The following AGAP3 variants were observed in gnomAD, a reference collection of about 807,000 sequenced individuals.
AGAP3 encodes the protein arf-GAP with GTPase, ANK repeat and PH domain-containing protein 3.
In AGAP3, 24 loss-of-function variants were observed where a neutral mutation model predicts 96.9. That is an observed-to-expected ratio of 0.25 (90% CI 0.18 to 0.35). The LOEUF (loss-of-function observed/expected upper bound fraction) is 0.35. Among genes scored for constraint, AGAP3 ranks in the 10% least tolerant of loss-of-function variants. The pLI, the probability that AGAP3 is intolerant of heterozygous loss-of-function variation, is 1.00. For synonymous variants in AGAP3, 563 were observed against 536.1 expected, an observed-to-expected ratio of 1.05 and a Z score of -0.69; for missense variants, 876 against 1,254.2, an observed-to-expected ratio of 0.70 and a Z score of 4.55.
chr7:151,119,441 A>G (rs1799759893), intron 7 of AGAP3, among the ~76,000 whole-genome samples: 1 of 151,428 alleles, frequency 6.6e-6, no homozygotes, highest in Non-Finnish European at 1.5e-5. Context: ...TCCACACCTT[A>G]CTCTGATTGG....
At position 151,101,335 on chromosome 7, in the gene AGAP3, C is replaced by T. The variant is rs1386024038; in HGVS notation, c.331+14263C>T. Among the ~76,000 whole-genome samples the T allele has an allele frequency of 2.0e-5, 3 of 152,214 alleles. No homozygotes were observed. In the South Asian group the frequency reaches 6.2e-4, roughly 31 times the overall value. ...TCCTCCTGGGCTGGAGGGGACAGGC[C>T]ATTATGGTGGCTGGATGGTCTCCTT... is the stretch of plus-strand genomic sequence containing the variant. On this transcript the variant is annotated intron_variant, in intron 1 of 17. Transcript: ENST00000397238.
At chr7:151,092,648 C>A (rs1798444887) in intron 1 of AGAP3, among the ~76,000 whole-genome samples, 1 of 152,170 alleles carries the variant, frequency 6.6e-6, no homozygotes, top group South Asian at 2.1e-4. Flanking sequence ...GTTTATTTTC[C>A]CAGAGGAGGG....
chr7:151,122,128 T>A (rs896688601), intron 8 of AGAP3, among the ~76,000 whole-genome samples: 5 of 151,968 alleles, frequency 3.3e-5, no homozygotes, highest in African/African-American at 1.2e-4. Context: ...TGCACCCCAC[T>A]CCCCCCAAAC....
In AGAP3 at chr7:151,143,343, A is replaced by C. The variant is rs1281416003; in HGVS notation, c.2276A>C (p.Glu759Ala). The C allele has an allele frequency of 6.2e-7, 1 of 1,608,890 alleles. No homozygotes were observed. The highest frequency in any genetic ancestry group is 1.3e-5 in the African/African-American group (1 of 74,784). ...CCCTGATGGGCCTGTGGTTGCAGAG[A>C]GGAGAAGGAACGCTGGATACGGGCC... Reference protein sequence around the residue: ...YSKPGPDACREEKERWIRAKY... With the variant: ...YSKPGPDACRAEKERWIRAKY... The change falls in exon 17 of 18, where the codon GAG (glutamate) becomes GCG (alanine). Residue 759 changes from glutamate to alanine, a missense_variant and splice_region_variant. Physicochemically the swap from Glu to Ala is moderately radical, Grantham distance 107 (BLOSUM62 -1). Around this residue, in one of 8 missense-constraint regions of AGAP3, gnomAD observed 213 missense variants for 253.8 expected, o/e 0.84. Coordinates refer to ENST00000397238, the MANE Select transcript of AGAP3 (RefSeq NM_031946.7). The surrounding 1 kb of genome is among the most constrained non-coding windows in gnomAD (Gnocchi z 5.9).
intron 1 of AGAP3, among the ~76,000 whole-genome samples, chr7:151,101,888 G>A (rs937863755): frequency 6.6e-6 from 1 of 152,168 alleles, no homozygotes; most frequent in Non-Finnish European, 1.5e-5. Flanking sequence ...AAGGTGGGCC[G>A]GTGCGCCTGG....
At position 151,114,882 on chromosome 7, in the gene AGAP3, C is replaced by T. The variant is rs1317034839; in HGVS notation, c.332-1911C>T. On this transcript the variant is annotated intron_variant, in intron 1 of 17. Transcript: ENST00000397238. This position sits in a 1 kb window ranked among gnomAD's most constrained non-coding sequence, Gnocchi z 4.4. Reference sequence around the variant, plus strand: ...GGACCTGCACGGCGCCTCGGCCGGCCGCGCTGCCGCCGCCCTGCAGGCCGC... The same window carrying T: ...GGACCTGCACGGCGCCTCGGCCGGCTGCGCTGCCGCCGCCCTGCAGGCCGC... 2 of 1,007,658 alleles carry T rather than the reference C, an allele frequency of 2.0e-6. No individual in the cohort carries two copies. Among genetic ancestry groups the T allele is most frequent in the Non-Finnish European group, 2.4e-6 (2 of 847,392 alleles). The allele number at this position is 1,007,658 out of a possible 1,614,324, so 62.4% of individuals were successfully genotyped here. A position where few individuals can be genotyped will look rare whatever the true frequency, so the allele number is the denominator to read the frequency against.
intron 10 of AGAP3, among the ~76,000 whole-genome samples, chr7:151,129,597 A>G (rs548570189): frequency 6.6e-6 from 1 of 152,200 alleles, no homozygotes; most frequent in East Asian, 1.9e-4. Context: ...GCCCTTCCTA[A>G]CACGCCTCAC....
chr7:151,126,872 G>A (rs1377272730), intron 9 of AGAP3, among the ~76,000 whole-genome samples: 5 of 152,236 alleles, frequency 3.3e-5, no homozygotes, highest in Non-Finnish European at 7.3e-5. Context: ...CCAGGCCAAG[G>A]GGGCCAGGTA....
chr7:151,113,565 G>C (rs1219099978), intron 1 of AGAP3, among the ~76,000 whole-genome samples: 1 of 152,238 alleles, frequency 6.6e-6, no homozygotes, highest in African/African-American at 2.4e-5. Flanking sequence ...GCTGGGAGTT[G>C]GGCTGGACTG....
intron 8 of AGAP3, chr7:151,122,653 C>T: frequency 6.3e-7 from 1 of 1,592,600 alleles, no homozygotes; most frequent in Non-Finnish European, 8.6e-7. Context: ...TCTCTGCCCT[C>T]ACCGGTGCTG....
intron 1 of AGAP3, among the ~76,000 whole-genome samples, chr7:151,110,449 G>C (rs1585059831): frequency 6.6e-6 from 1 of 152,180 alleles, no homozygotes; most frequent in Admixed American, 6.5e-5. Flanking sequence ...GATGGGGATG[G>C]AGGCGGGTCC....
intron 1 of AGAP3, among the ~76,000 whole-genome samples, chr7:151,104,014 G>A (rs1397414723): frequency 6.6e-6 from 1 of 152,164 alleles, no homozygotes; most frequent in Non-Finnish European, 1.5e-5. Context: ...GCGGGGGCGT[G>A]AGGACTGGGT....
chr7:151,113,739 G>A (rs1469810115), intron 1 of AGAP3, among the ~76,000 whole-genome samples: 1 of 152,234 alleles, frequency 6.6e-6, no homozygotes, highest in East Asian at 1.9e-4. Context: ...TCAGAGCCTG[G>A]GAGAGGACTG....
rs1168915949 is a variant in AGAP3, at chr7:151,140,732, G to T, written c.1804+616G>T. 6.6e-6 allele frequency: 1 copy of T among 152,188 alleles called. No homozygotes were observed. Among genetic ancestry groups the T allele is most frequent in the African/African-American group, 2.4e-5 (1 of 41,422 alleles). 9.4% of individuals were successfully genotyped at this position (152,188 alleles called of 1,614,324 possible). A position where few individuals can be genotyped will look rare whatever the true frequency, so the allele number is the denominator to read the frequency against. The stretch of plus-strand genomic sequence containing the variant: ...TCTAATCATCAGGGTAGACGTATGG[G>T]TCAGGGGAGCAGAGACACCTAGCCA... On this transcript the variant is annotated intron_variant, in intron 13 of 17. Transcript: ENST00000397238. This position sits in a 1 kb window ranked among gnomAD's most constrained non-coding sequence, Gnocchi z 5.4.
chr7:151,091,053 T>G (rs887410635), intron 1 of AGAP3, among the ~76,000 whole-genome samples: 1 of 152,268 alleles, frequency 6.6e-6, no homozygotes, highest in Non-Finnish European at 1.5e-5. Flanking sequence ...TTTCTGTTCG[T>G]CCTGTGACTT....
At chr7:151,112,945 G>T (rs757493963) in intron 1 of AGAP3, among the ~76,000 whole-genome samples, 9 of 152,128 alleles carry the variant, frequency 5.9e-5, no homozygotes, top group Non-Finnish European at 8.8e-5. Flanking sequence ...CGTTGGCCAG[G>T]CTGGTCTCGG....
At chr7:151,088,444 G>A (rs948942859) in intron 1 of AGAP3, among the ~76,000 whole-genome samples, 10 of 152,356 alleles carry the variant, frequency 6.6e-5, no homozygotes, top group Admixed American at 6.5e-4. Context: ...CTAGGAGATG[G>A]CATTTGTGCG....
chr7:151,097,043 C>T (rs774189083), intron 1 of AGAP3, among the ~76,000 whole-genome samples: 11 of 152,028 alleles, frequency 7.2e-5, no homozygotes, highest in Non-Finnish European at 1.6e-4. Context: ...CGTTGGCCTC[C>T]CAAAGTGCTG....
chr7:151,126,422 G>GGCTGGGAA (rs1800178795), intron 9 of AGAP3, among the ~76,000 whole-genome samples: 5 of 102,058 alleles, frequency 4.9e-5, no homozygotes, highest in Non-Finnish European at 8.2e-5. Context: ...AAGGCTGGGA[G>GGCTGGGAA]AGGCTGGGAG....
Sources: allele counts gnomAD v4.1 joint callset (sites outside exome capture counted in the v4.1 genomes callset), GRCh38; gene constraint gnomAD v4.1.1; regional missense constraint gnomAD v4.1.1; non-coding constraint Gnocchi (gnomAD v3.1); transcripts MANE v1.5; gene names NCBI Gene and HGNC (gene_info 2026-07-23, HGNC 2026-07-21).